CD99: variants seen among roughly 807,000 people sequenced by gnomAD.
CD99 encodes CD99 molecule (Xg blood group).
A neutral mutation model predicts 28.4 loss-of-function variants in CD99; 19 were observed. The ratio of observed to expected loss-of-function variants is 0.67; its 90% CI spans 0.47 to 0.98. CD99 has a LOEUF of 0.98. CD99 is among the 50% of genes least tolerant of loss of function. The pLI is 0.00. For missense variants in CD99, 283 were observed against 248.8 expected (o/e 1.14, Z -0.92); for synonymous variants, 103 against 92.1 (o/e 1.12, Z -0.67).
chrX:2,702,706 C>T (rs1411602195), intron 1 of CD99, among the ~76,000 whole-genome samples: 1 of 152,012 alleles, frequency 6.6e-6, no homozygotes, highest in African/African-American at 2.4e-5. Flanking sequence ...ACCCAGGACC[C>T]AATAGTTACC....
intron 1 of CD99, among the ~76,000 whole-genome samples, chrX:2,709,797 G>T (rs1169920293): frequency 6.6e-6 from 1 of 151,928 alleles, no homozygotes; most frequent in East Asian, 1.9e-4. Flanking sequence ...CCAAAATGTG[G>T]CTTGGTTGCA....
At chrX:2,711,330 A>G (rs2048396262) in intron 1 of CD99, among the ~76,000 whole-genome samples, 1 of 148,762 alleles carries the variant, frequency 6.7e-6, no homozygotes, top group African/African-American at 2.5e-5. Context: ...TATGGTGTGT[A>G]TATATGTAGT....
intron 1 of CD99, chrX:2,692,128 A>T: frequency 3.4e-6 from 2 of 591,748 alleles, no homozygotes; most frequent in South Asian, 4.2e-5. Flanking sequence ...TCACCCTCCC[A>T]CGCCCTAAAC....
chrX:2,739,626 T>C (rs2050106182), intron 9 of CD99, among the ~76,000 whole-genome samples: 1 of 151,874 alleles, frequency 6.6e-6, no homozygotes, highest in Non-Finnish European at 1.5e-5. Context: ...ATTTTCTTTC[T>C]GTTTTTACTA....
At chrX:2,733,259 C>T in intron 8 of CD99, 5 of 1,274,298 alleles carry the variant, frequency 3.9e-6, no homozygotes, top group Non-Finnish European at 5.6e-6. Context: ...TCTAACACCT[C>T]CCTGCTGCTG....
chrX:2,732,202 C>G (rs1238257374), intron 8 of CD99, among the ~76,000 whole-genome samples: 1 of 152,090 alleles, frequency 6.6e-6, no homozygotes, highest in Admixed American at 6.5e-5. Context: ...CTCTCATGCA[C>G]TCGGGGTCTG....
intron 1 of CD99, among the ~76,000 whole-genome samples, chrX:2,710,913 C>T (rs1490113970): frequency 6.8e-6 from 1 of 147,316 alleles, no homozygotes; most frequent in African/African-American, 2.5e-5. Context: ...CTCTGTCACC[C>T]AGGCTGGAGT....
chrX:2,738,614 A>G (rs1190527412), intron 9 of CD99, among the ~76,000 whole-genome samples: 1 of 151,860 alleles, frequency 6.6e-6, no homozygotes, highest in Non-Finnish European at 1.5e-5. Context: ...AATCCCAGCT[A>G]CTTGGGAGGC....
At chrX:2,720,045 C>T (rs959768189) in intron 4 of CD99, among the ~76,000 whole-genome samples, 4 of 152,190 alleles carry the variant, frequency 2.6e-5, no homozygotes, top group African/African-American at 9.6e-5. Context: ...TGGTTTACTG[C>T]TCTGTTGCCG....
chrX:2,703,625 T>TGTG, intron 1 of CD99, among the ~76,000 whole-genome samples: 2 of 148,004 alleles, frequency 1.4e-5, no homozygotes, highest in South Asian at 2.1e-4. Context: ...TGTGTGTGTG[T>TGTG]GTGTGTGTGT....
chrX:2,701,738 C>T (rs1407122495), intron 1 of CD99, among the ~76,000 whole-genome samples: 1 of 152,212 alleles, frequency 6.6e-6, no homozygotes, highest in Admixed American at 6.5e-5. Flanking sequence ...GGGTTTGACG[C>T]AGACAGCTGT....
At chrX:2,721,943 T>C (rs868549863) in intron 5 of CD99, among the ~76,000 whole-genome samples, 3 of 152,228 alleles carry the variant, frequency 2.0e-5, no homozygotes, top group South Asian at 2.1e-4. Flanking sequence ...ATGAGTACTT[T>C]CGTAGCTTTT....
At chrX:2,727,686 A>G (rs1340037546) in intron 8 of CD99, among the ~76,000 whole-genome samples, 3 of 152,142 alleles carry the variant, frequency 2.0e-5, no homozygotes, top group Admixed American at 2.0e-4. Context: ...CATGTTGGCC[A>G]GGCTGGTCTC....
intron 1 of CD99, among the ~76,000 whole-genome samples, chrX:2,694,624 GC>G (rs1200761885): frequency 6.6e-6 from 1 of 152,054 alleles, no homozygotes; most frequent in African/African-American, 2.4e-5. Context: ...GTGGTGGTGA[GC>G]GCCTATAATC....
At position 2,740,678 on chromosome X, in the gene CD99, T is replaced by C. The variant is rs1255973432; in HGVS notation, c.533-101T>C. The C allele has an allele frequency of 3.4e-6, 4 of 1,183,726 alleles. No individual in the cohort carries two copies. In the African/African-American group the frequency reaches 4.6e-5, roughly 14 times the overall value. 73.3% of individuals were successfully genotyped at this position (1,183,726 alleles called of 1,614,324 possible). A position where few individuals can be genotyped will look rare whatever the true frequency, so the allele number is the denominator to read the frequency against. On this transcript the variant is annotated intron_variant, in intron 9 of 9. Transcript: ENST00000381192. The stretch of plus-strand genomic sequence containing the variant: ...ATGAGTTTTGGGCCCATTTTTCTTA[T>C]GCAGAAATAAAACCACTGGCTCCTG...
chrX:2,723,935 CAG>C (rs990481493), intron 7 of CD99, among the ~76,000 whole-genome samples: 3 of 137,512 alleles, frequency 2.2e-5, no homozygotes, highest in African/African-American at 5.8e-5. Context: ...GAAAGAGAAA[CAG>C]AGAAGTAGGG....
chrX:2,717,862 C>T (rs1326370457), intron 3 of CD99: 22 of 567,460 alleles, frequency 3.9e-5, no homozygotes, highest in South Asian at 2.1e-4. Flanking sequence ...TGAAATGTTT[C>T]GGGGCCATTT....
intron 5 of CD99, among the ~76,000 whole-genome samples, chrX:2,722,228 A>G (rs1210298512): frequency 1.3e-5 from 2 of 151,986 alleles, no homozygotes; most frequent in African/African-American, 4.8e-5. Context: ...ATATGACATT[A>G]TTGATTTATA....
intron 3 of CD99, among the ~76,000 whole-genome samples, chrX:2,718,188 C>T (rs910948754): frequency 5.3e-5 from 8 of 151,900 alleles, no homozygotes; most frequent in Non-Finnish European, 8.8e-5. Context: ...CAATCTGCCT[C>T]CCAAAGTGCT....
Sources: allele counts gnomAD v4.1 joint callset (sites outside exome capture counted in the v4.1 genomes callset), GRCh38; gene constraint gnomAD v4.1.1; transcripts MANE v1.5; gene names NCBI Gene and HGNC (gene_info 2026-07-23, HGNC 2026-07-21).